TMC7: variants seen among roughly 807,000 people sequenced by gnomAD.
TMC7 encodes transmembrane channel like 7.
TMC7 carries 54 observed loss-of-function variants against 82.9 expected under a neutral mutation model. The ratio of observed to expected loss-of-function variants is 0.65; its 90% CI spans 0.52 to 0.82. TMC7 has a LOEUF of 0.82. Among genes scored for constraint, TMC7 ranks in the 40% least tolerant of loss-of-function variants. The probability of loss-of-function intolerance (pLI) is 0.00; values close to 1 mark genes in which losing one functional copy is unlikely to be tolerated. For missense variants in TMC7, 820 were observed against 901.2 expected (o/e 0.91, Z 1.15); for synonymous variants, 350 against 337.9 (o/e 1.04, Z -0.39).
intron 1 of TMC7, among the ~76,000 whole-genome samples, chr16:19,001,507 C>T (rs1244946662): frequency 6.6e-6 from 1 of 152,124 alleles, no homozygotes; most frequent in South Asian, 2.1e-4. Flanking sequence ...ATAACGAGAC[C>T]TCATCTCTAT....
intron 12 of TMC7, among the ~76,000 whole-genome samples, chr16:19,047,799 GC>G (rs374541784): frequency 7.6e-4 from 112 of 147,098 alleles, no homozygotes; most frequent in Non-Finnish European, 1.5e-3. Flanking sequence ...TGCAACCTCT[GC>G]CCCCCCAGGT....
At chr16:19,000,736 G>T (rs984050843) in intron 1 of TMC7, among the ~76,000 whole-genome samples, 15 of 152,144 alleles carry the variant, frequency 9.9e-5, no homozygotes, top group African/African-American at 3.6e-4. Flanking sequence ...AATTATTTTT[G>T]TTCCAGGTAC....
chr16:18,984,304 C>T lies in TMC7; in HGVS notation c.67+174C>T. ...AGGAGATCTTCCTTATTCCTGCTCCCTCCACAAACGCGTCCTCATCCAATC... is the reference window on the plus strand; with the variant it reads ...AGGAGATCTTCCTTATTCCTGCTCCTTCCACAAACGCGTCCTCATCCAATC... On this transcript the variant is annotated intron_variant, in intron 1 of 15. Transcript: ENST00000304381. 3 of 1,318,446 alleles carry T rather than the reference C, an allele frequency of 2.3e-6. No homozygotes were observed. In the South Asian group the frequency reaches 6.2e-5, roughly 27 times the overall value. The allele number at this position is 1,318,446 out of a possible 1,614,324, so 81.7% of individuals were successfully genotyped here. A position where few individuals can be genotyped will look rare whatever the true frequency, so the allele number is the denominator to read the frequency against.
intron 6 of TMC7, 52 bp from the exon 7 acceptor site, chr16:19,035,624 A>ACTC: frequency 5.6e-6 from 9 of 1,609,100 alleles, no homozygotes; most frequent in Non-Finnish European, 7.7e-6. Context: ...AATTCAGGGG[A>ACTC]CTCTCTTTTG....
At chr16:19,039,960 A>T (rs537232097) in intron 8 of TMC7, among the ~76,000 whole-genome samples, 1 of 152,006 alleles carries the variant, frequency 6.6e-6, no homozygotes, top group South Asian at 2.1e-4. Flanking sequence ...TACTAAAAAT[A>T]CAAAAATTAG....
intron 2 of TMC7, among the ~76,000 whole-genome samples, chr16:19,009,864 C>T (rs563334222): frequency 3.8e-4 from 58 of 150,822 alleles, no homozygotes; most frequent in Non-Finnish European, 6.3e-4. Flanking sequence ...TGGCGTGAAC[C>T]CGGGAGGCAG....
Position 19,062,061 on chromosome 16 carries a change from C to T in TMC7, c.*218C>T, listed in dbSNP as rs116898628. 1.4e-3 allele frequency: 578 copies of T among 407,698 alleles called. 1 individual carries two copies. The highest frequency in any genetic ancestry group is 2.2e-3 in the Non-Finnish European group (509 of 230,710). The allele number at this position is 407,698 out of a possible 1,614,324, so 25.3% of individuals were successfully genotyped here. A position where few individuals can be genotyped will look rare whatever the true frequency, so the allele number is the denominator to read the frequency against. ...CAGGGGAAACCCAAGGCTTTGCCTG[C>T]AGACCGGCCACTCTGTGACAACTCT... On this transcript the variant is annotated 3_prime_UTR_variant, in exon 16 of 16. Coordinates refer to ENST00000304381, the MANE Select transcript of TMC7 (RefSeq NM_024847.4).
rs752452812 is a variant in TMC7, at chr16:19,040,459, A to C, written c.1337+13A>C. ...TGACAATCCTTAGGTAATGCCTAAC[A>C]TGAAGATGGCAGGCATGTCAAGCCA... On this transcript the variant is annotated intron_variant, in intron 9 of 15. Coordinates refer to ENST00000304381, the MANE Select transcript of TMC7 (RefSeq NM_024847.4). 1.2e-6 allele frequency: 2 copies of C among 1,605,444 alleles called. No individual in the cohort carries two copies. Among genetic ancestry groups the C allele is most frequent in the East Asian group, 2.2e-5 (1 of 44,860 alleles).
chr16:19,013,880 G>T (rs1959526680), intron 2 of TMC7, among the ~76,000 whole-genome samples: 1 of 135,728 alleles, frequency 7.4e-6, no homozygotes, highest in Non-Finnish European at 1.6e-5. Flanking sequence ...TTGAGATGGG[G>T]TCTCGCTCTA....
At chr16:19,013,782 G>C (rs1382789251) in intron 2 of TMC7, among the ~76,000 whole-genome samples, 1 of 151,518 alleles carries the variant, frequency 6.6e-6, no homozygotes, top group African/African-American at 2.4e-5. Context: ...GCCTCCCAAA[G>C]TGCTGGGATT....
At chr16:19,043,864 G>A (rs1041088902) in intron 9 of TMC7, among the ~76,000 whole-genome samples, 2 of 151,748 alleles carry the variant, frequency 1.3e-5, no homozygotes, top group African/African-American at 4.8e-5. Context: ...GAGCCACCGC[G>A]CCCGGCCTGC....
At chr16:19,022,011 G>A (rs1478955264) in intron 4 of TMC7, among the ~76,000 whole-genome samples, 1 of 152,160 alleles carries the variant, frequency 6.6e-6, no homozygotes, top group Non-Finnish European at 1.5e-5. Flanking sequence ...GTATGAGACT[G>A]TGAGTGAGAA....
At position 18,999,138 on chromosome 16, in the gene TMC7, G is replaced by A. The variant is rs559890518; in HGVS notation, c.68-10034G>A. On this transcript the variant is annotated intron_variant, in intron 1 of 15. Transcript: ENST00000304381. ...ACTGCAGCCTCAACCTTCCAGGCTCGAGCGATCCTCCCACCTCAGCCAAAA... is the reference window on the plus strand; with the variant it reads ...ACTGCAGCCTCAACCTTCCAGGCTCAAGCGATCCTCCCACCTCAGCCAAAA... 2.6e-5 allele frequency among the ~76,000 whole-genome samples: 4 copies of A among 152,186 alleles called. No individual in the cohort carries two copies. The East Asian group carries it at 5.8e-4, about 22-fold the overall frequency.
intron 13 of TMC7, 71 bp downstream of exon 13, chr16:19,051,887 C>G (rs367625726): frequency 2.5e-6 from 4 of 1,571,984 alleles, no homozygotes; most frequent in Non-Finnish European, 3.5e-6. Context: ...TAAAAGCGTC[C>G]GTCATATCAC....
chr16:18,999,134 G>T (rs1170547960), intron 1 of TMC7, among the ~76,000 whole-genome samples: 1 of 152,082 alleles, frequency 6.6e-6, no homozygotes, highest in African/African-American at 2.4e-5. Flanking sequence ...AACCTTCCAG[G>T]CTCGAGCGAT....
intron 1 of TMC7, among the ~76,000 whole-genome samples, chr16:18,995,572 C>T (rs2039029782): frequency 6.6e-6 from 1 of 152,186 alleles, no homozygotes; most frequent in Non-Finnish European, 1.5e-5. Context: ...GGCCCAGTGG[C>T]CAGATTTCCA....
intron 3 of TMC7, among the ~76,000 whole-genome samples, chr16:19,017,667 G>GTTTTTT (rs35738895): frequency 1.8e-5 from 2 of 111,112 alleles, no homozygotes; most frequent in Non-Finnish European, 3.5e-5. Flanking sequence ...TCAAAAAACA[G>GTTTTTT]TTTTTTTTTT....
intron 6 of TMC7, among the ~76,000 whole-genome samples, chr16:19,035,190 C>T (rs142469892): frequency 0.018 from 2,680 of 152,222 alleles, 80 homozygotes; most frequent in African/African-American, 0.061. Flanking sequence ...AACCAAACAC[C>T]GCATGTTCTC....
intron 1 of TMC7, among the ~76,000 whole-genome samples, chr16:18,997,823 G>A (rs926782295): frequency 3.3e-5 from 5 of 150,222 alleles, no homozygotes; most frequent in Non-Finnish European, 5.9e-5. Flanking sequence ...TCCGCCTCCC[G>A]GGTTCACACC....
Sources: gnomAD v4.1 joint callset for allele counts (sites outside exome capture counted in the v4.1 genomes callset) on GRCh38, gnomAD v4.1.1 for gene constraint, MANE v1.5 for transcripts, NCBI Gene and HGNC (gene_info 2026-07-23, HGNC 2026-07-21) for gene names.